The following MYH15 variants were observed in gnomAD, a reference collection of about 807,000 sequenced individuals.
The protein encoded by MYH15 is myosin-15.
A neutral mutation model predicts 240.5 loss-of-function variants in MYH15; 227 were observed. The ratio of observed to expected loss-of-function variants is 0.94; its 90% CI spans 0.85 to 1.05. The LOEUF (loss-of-function observed/expected upper bound fraction) is 1.05, where lower values mean the gene tolerates loss of function less well. Among genes scored for constraint, MYH15 ranks in the 50% least tolerant of loss-of-function variants. The pLI is 0.00. For missense variants in MYH15, 2,217 were observed against 2,247.5 expected, an observed-to-expected ratio of 0.99 and a Z score of 0.27; for synonymous variants, 785 against 796.7, an observed-to-expected ratio of 0.99 and a Z score of 0.25.
intron 7 of MYH15, 136 bp from the exon 8 acceptor site, chr3:108,493,313 A>AAAAG (rs1346678997): frequency 1.1e-5 from 7 of 642,708 alleles, no homozygotes; most frequent in African/African-American, 9.3e-5. Flanking sequence ...ACAAAAAAAA[A>AAAAG]AAAGAAAGAA....
chr3:108,435,815 TATATACATATATGTATATGTATACAC>T (rs1047567046), intron 25 of MYH15, among the ~76,000 whole-genome samples: 3 of 145,960 alleles, frequency 2.1e-5, no homozygotes, highest in African/African-American at 7.6e-5. Context: ...TGTATATGTA[TATATACATATATGTATATGTATACAC>T]ACACACACAC....
chr3:108,465,420 G>A (rs2083106432), intron 14 of MYH15, among the ~76,000 whole-genome samples: 1 of 152,236 alleles, frequency 6.6e-6, no homozygotes, highest in Admixed American at 6.5e-5. Flanking sequence ...GTAAGGAGCA[G>A]CTGGAGCTCA....
At chr3:108,466,538 T>C (rs2083119585) in intron 14 of MYH15, among the ~76,000 whole-genome samples, 1 of 152,186 alleles carries the variant, frequency 6.6e-6, no homozygotes, top group Admixed American at 6.6e-5. Context: ...CTTTCTGTTG[T>C]GCTCCCATGT....
chr3:108,440,874 T>A (rs1411209197), intron 23 of MYH15, 144 bp downstream of exon 23: 1 of 925,032 alleles, frequency 1.1e-6, no homozygotes, highest in Non-Finnish European at 1.7e-6. Context: ...CTCTATATTT[T>A]GTGCCAGTTC....
intron 28 of MYH15, among the ~76,000 whole-genome samples, chr3:108,420,096 A>G (rs1029648214): frequency 1.3e-5 from 2 of 151,290 alleles, no homozygotes; most frequent in Admixed American, 6.6e-5. Flanking sequence ...AAAACCCCCA[A>G]CAGATTGCTA....
chr3:108,398,678 G>C lies in MYH15; in HGVS notation c.5092C>G (p.Leu1698Val). 1 of 1,613,856 alleles carries C rather than the reference G, an allele frequency of 6.2e-7. No individual in the cohort carries two copies. Among genetic ancestry groups the C allele is most frequent in the Non-Finnish European group, 8.5e-7 (1 of 1,180,048 alleles). The change falls in exon 35 of 41, where the codon CTC becomes GTC. Residue 1698 changes from leucine to valine, a missense_variant. Leu to Val is a conservative substitution (Grantham distance 32). Coordinates refer to ENST00000693548, the MANE Select transcript of MYH15 (RefSeq NM_014981.3). ...TTGATTCTTTCTGTTGCTTCCAGGA[G>C]CTCTTCTTCTGACAGCCTGCGGCCA... ...ERGRRLSEEELLEATERINLF... is the reference protein window; with the variant it reads ...ERGRRLSEEEVLEATERINLF...
At position 108,528,389 on chromosome 3, in the gene MYH15, G is replaced by A. The variant is rs113823247; in HGVS notation, c.-58+874C>T. Among the ~76,000 whole-genome samples the A allele has an allele frequency of 4.6e-3, 697 of 152,268 alleles. 3 individuals are homozygous for A. Among genetic ancestry groups the A allele is most frequent in the African/African-American group, 0.015 (636 of 41,570 alleles). On this transcript the variant is annotated intron_variant, in intron 1 of 41. Coordinates refer to the MYH15 transcript ENST00000273353. ...CTAATAGGCAGCATAAGGTATGATG[G>A]ATTTCTTTGAATCTTAAACTTCTTG...
chr3:108,550,429 G>GA, the MYH15 span: 1 of 151,058 alleles, frequency 6.6e-6, no homozygotes, highest in African/African-American at 2.4e-5. Flanking sequence ...TGCAACATTT[G>GA]AAAAAAGAGA....
the MYH15 span, among the ~76,000 whole-genome samples, chr3:108,535,760 C>T: frequency 3.4e-3 from 517 of 152,124 alleles, 2 homozygotes; most frequent in African/African-American, 8.5e-3. Context: ...ACTGTTTCGA[C>T]TTATTATTTG....
intron 8 of MYH15, 47 bp from the exon 9 acceptor site, chr3:108,492,642 A>C: frequency 1.4e-6 from 2 of 1,435,226 alleles, no homozygotes; most frequent in Non-Finnish European, 2.0e-6. Context: ...GCATTCTTGC[A>C]AAATGTAGAA....
At chr3:108,401,653 G>C (rs1379125331) in intron 33 of MYH15, among the ~76,000 whole-genome samples, 2 of 152,142 alleles carry the variant, frequency 1.3e-5, no homozygotes, top group African/African-American at 4.8e-5. Flanking sequence ...CCCCAGCCTG[G>C]TGTCAAAATC....
intron 35 of MYH15, among the ~76,000 whole-genome samples, chr3:108,395,217 C>T (rs1160005336): frequency 6.6e-6 from 1 of 152,126 alleles, no homozygotes; most frequent in African/African-American, 2.4e-5. Context: ...TGCAGTGAAC[C>T]GAGATTGCAC....
At chr3:108,407,249 C>T (rs1239960341) in intron 32 of MYH15, among the ~76,000 whole-genome samples, 2 of 152,242 alleles carry the variant, frequency 1.3e-5, no homozygotes, top group African/African-American at 4.8e-5. Context: ...ATGCTTGGCA[C>T]AGAGTGGTCC....
At position 108,525,570 on chromosome 3, in the gene MYH15, T is replaced by C. The variant is rs1261274383; in HGVS notation, c.-58+3693A>G. Among the ~76,000 whole-genome samples the C allele has an allele frequency of 5.9e-5, 9 of 152,150 alleles. No homozygotes were observed. The South Asian group carries it at 6.2e-4, about 10-fold the overall frequency. ...GTAAAATGATAAATGAAAGAATCAA[T>C]TGGGCCAAAAACACTTTCCAGCTAG... On this transcript the variant is annotated intron_variant, in intron 1 of 41. Coordinates refer to the MYH15 transcript ENST00000273353.
rs769754190 is a variant in MYH15 at position 108,456,929 on chromosome 3, T to A, written c.2021-46A>T. 6.5e-6 allele frequency: 9 copies of A among 1,381,380 alleles called. No homozygotes were observed. The African/African-American group carries it at 1.0e-4, about 16-fold the overall frequency. 85.6% of individuals were successfully genotyped at this position (1,381,380 alleles called of 1,614,324 possible). ...TGGTGGATCTGTGCCTGAAAAAAAA[T>A]TATTGGGACAGATTTTGAACCAATT... On this transcript the variant is annotated intron_variant, in intron 18 of 40. Transcript: ENST00000693548.
At chr3:108,544,573 C>T in the MYH15 span, among the ~76,000 whole-genome samples, 10 of 152,148 alleles carry the variant, frequency 6.6e-5, no homozygotes, top group Non-Finnish European at 1.2e-4. Context: ...TCAGTCTAAT[C>T]TGAAGGGTAT....
At chr3:108,482,751 C>T (rs2083276724) in intron 11 of MYH15, among the ~76,000 whole-genome samples, 1 of 152,128 alleles carries the variant, frequency 6.6e-6, no homozygotes, top group Non-Finnish European at 1.5e-5. Context: ...TTTAACTCTG[C>T]TTTACTTCCT....
At position 108,441,269 on chromosome 3, in the gene MYH15, A is replaced by G. The variant is rs1262474928; in HGVS notation, c.2656-9T>C. Reference sequence around the variant, plus strand: ...GCCAGTGTCTCTTGCTCCTGCCATGATGAGGAGAAAATTGTTGCCAACAGC... The same window carrying G: ...GCCAGTGTCTCTTGCTCCTGCCATGGTGAGGAGAAAATTGTTGCCAACAGC... On this transcript the variant is annotated splice_polypyrimidine_tract_variant and intron_variant, in intron 22 of 40. Transcript: ENST00000693548. The G allele has an allele frequency of 6.2e-7, 1 of 1,613,058 alleles. No individual in the cohort carries two copies. Among genetic ancestry groups the G allele is most frequent in the East Asian group, 2.2e-5 (1 of 44,880 alleles).
intron 40 of MYH15, among the ~76,000 whole-genome samples, chr3:108,383,065 A>G (rs988550432): frequency 6.6e-6 from 1 of 152,134 alleles, no homozygotes; most frequent in South Asian, 2.1e-4. Context: ...GAGACATAGA[A>G]AGATCCTTTC....
Sources: gnomAD v4.1 joint callset for allele counts (sites outside exome capture counted in the v4.1 genomes callset) on GRCh38, gnomAD v4.1.1 for gene constraint, MANE v1.5 for transcripts, NCBI Gene and HGNC (gene_info 2026-07-23, HGNC 2026-07-21) for gene names.